TTC39B: variants seen among roughly 807,000 people sequenced by gnomAD.
The protein encoded by TTC39B is tetratricopeptide repeat domain 39B, also known as tetratricopeptide repeat protein 39B.
TTC39B carries 92 observed loss-of-function variants against 96.6 expected under a neutral mutation model. The ratio of observed to expected loss-of-function variants is 0.95; its 90% CI spans 0.80 to 1.13. TTC39B has a LOEUF of 1.13. Ranked by LOEUF, TTC39B falls within the 50% of genes most tolerant of loss-of-function variation. TTC39B has a pLI of 0.00. For synonymous variants in TTC39B, 367 were observed against 299.4 expected, an observed-to-expected ratio of 1.23 and a Z score of -2.33; for missense variants, 955 against 809.3, an observed-to-expected ratio of 1.18 and a Z score of -2.18.
chr9:15,199,493 T>C (rs1819384601), intron 8 of TTC39B, among the ~76,000 whole-genome samples: 1 of 151,896 alleles, frequency 6.6e-6, no homozygotes, highest in Admixed American at 6.6e-5. Flanking sequence ...CCCAGCACTT[T>C]GGGAGGCTGA....
At chr9:15,219,351 A>G (rs1035585914) in intron 3 of TTC39B, among the ~76,000 whole-genome samples, 3 of 152,142 alleles carry the variant, frequency 2.0e-5, no homozygotes, top group African/African-American at 7.2e-5. Context: ...GCTAAGAACC[A>G]CATATGCACA....
intron 2 of TTC39B, among the ~76,000 whole-genome samples, chr9:15,251,731 A>ATATATATATATATATATATGTATG (rs1563764609): frequency 5.5e-5 from 7 of 126,964 alleles, no homozygotes; most frequent in African/African-American, 1.9e-4. Context: ...ATATATATAT[A>ATATATATATATATATATATGTATG]TATATGTAGT....
chr9:15,166,333 A>ATGGGTACATTGTACAT (rs1466596762), exon 20 of TTC39B: 1 of 152,186 alleles, frequency 6.6e-6, no homozygotes, highest in Non-Finnish European at 1.5e-5. Context: ...AACACATATC[A>ATGGGTACATTGTACAT]TGGGTACATT....
At chr9:15,223,573 T>G (rs953153996) in intron 3 of TTC39B, among the ~76,000 whole-genome samples, 6 of 152,160 alleles carry the variant, frequency 3.9e-5, no homozygotes, top group Non-Finnish European at 7.3e-5. Context: ...ACTAACTCCA[T>G]AAGAGCCACA....
intron 3 of TTC39B, among the ~76,000 whole-genome samples, chr9:15,215,268 G>C (rs773047109): frequency 6.6e-6 from 1 of 151,904 alleles, no homozygotes; most frequent in Non-Finnish European, 1.5e-5. Context: ...ATGAGGCTGG[G>C]TGTGGTGGCT....
intron 2 of TTC39B, among the ~76,000 whole-genome samples, chr9:15,235,048 A>AT (rs749210643): frequency 4.0e-5 from 6 of 151,290 alleles, no homozygotes; most frequent in Admixed American, 6.6e-5. Flanking sequence ...TAAATAAAAC[A>AT]AAAACAAAAC....
chr9:15,179,991 T>C (rs1818161214), intron 17 of TTC39B, among the ~76,000 whole-genome samples: 1 of 152,246 alleles, frequency 6.6e-6, no homozygotes, highest in South Asian at 2.1e-4. Context: ...TGCTTTGTCA[T>C]GATTTTCAAC....
At chr9:15,181,575 G>A (rs1382349371) in intron 17 of TTC39B, among the ~76,000 whole-genome samples, 1 of 152,162 alleles carries the variant, frequency 6.6e-6, no homozygotes, top group Non-Finnish European at 1.5e-5. Flanking sequence ...TACCACATCA[G>A]CTGCTTCCGG....
intron 2 of TTC39B, among the ~76,000 whole-genome samples, chr9:15,255,436 G>T (rs2131519476): frequency 6.6e-6 from 1 of 152,180 alleles, no homozygotes; most frequent in South Asian, 2.1e-4. Context: ...AGACCAGAGA[G>T]GCTGATGATT....
At chr9:15,287,302 A>G (rs1824008062) in intron 1 of TTC39B, among the ~76,000 whole-genome samples, 2 of 152,254 alleles carry the variant, frequency 1.3e-5, no homozygotes, top group African/African-American at 4.8e-5. Flanking sequence ...CTATAGTGAC[A>G]TCTGACAAAG....
Position 15,279,445 on chromosome 9 carries a change from T to G in TTC39B, c.241-11497A>C, listed in dbSNP as rs1451073713. ...TGGGGGAGAGAGAAGGTAAAGGGAC[T>G]TGAGCTCACAAGCTTAGAACCACTC... is the stretch of plus-strand genomic sequence containing the variant. On this transcript the variant is annotated intron_variant, in intron 1 of 19. Coordinates refer to ENST00000512701, the Ensembl canonical transcript of TTC39B. Among the ~76,000 whole-genome samples, 3 of 152,326 alleles carry G rather than the reference T, an allele frequency of 2.0e-5. No individual in the cohort carries two copies. The East Asian group carries it at 5.8e-4, about 29-fold the overall frequency.
chr9:15,178,608 C>T (rs1682525860), intron 17 of TTC39B, among the ~76,000 whole-genome samples: 1 of 152,180 alleles, frequency 6.6e-6, no homozygotes, highest in South Asian at 2.1e-4. Context: ...GCTGAATTTA[C>T]TATATCAGAA....
At chr9:15,197,412 A>G (rs1586848673) in intron 8 of TTC39B, among the ~76,000 whole-genome samples, 1 of 152,236 alleles carries the variant, frequency 6.6e-6, no homozygotes, top group East Asian at 1.9e-4. Context: ...AATGAAACAC[A>G]GTTTTGTGAA....
At chr9:15,242,253 G>T (rs1242502436) in intron 2 of TTC39B, among the ~76,000 whole-genome samples, 3 of 152,150 alleles carry the variant, frequency 2.0e-5, no homozygotes. Context: ...TGGCCTATCT[G>T]ATGGTCTAGA....
At chr9:15,187,613 C>A (rs1284389278) in intron 14 of TTC39B, among the ~76,000 whole-genome samples, 2 of 152,180 alleles carry the variant, frequency 1.3e-5, no homozygotes, top group Non-Finnish European at 2.9e-5. Flanking sequence ...ACATGTACCA[C>A]CATGCCTAGC....
At chr9:15,176,835 C>T (rs1159384766) in intron 18 of TTC39B, among the ~76,000 whole-genome samples, 2 of 152,154 alleles carry the variant, frequency 1.3e-5, no homozygotes, top group African/African-American at 4.8e-5. Context: ...ACATATCTGG[C>T]CCCTGTAAAT....
chr9:15,305,054 G>A (rs1563802074), intron 1 of TTC39B, among the ~76,000 whole-genome samples: 1 of 152,006 alleles, frequency 6.6e-6, no homozygotes, highest in Non-Finnish European at 1.5e-5. Context: ...TACGTGAAAA[G>A]CTTCCTAGCT....
At chr9:15,211,328 G>A (rs771982561) in exon 5 of TTC39B, 7 of 1,595,262 alleles carry the variant, frequency 4.4e-6, no homozygotes, top group Middle Eastern at 1.7e-4. Context: ...CCTGTTGCTC[G>A]AAGGTCAGGA....
intron 17 of TTC39B, among the ~76,000 whole-genome samples, chr9:15,180,901 C>T (rs146804473): frequency 1.3e-5 from 2 of 152,274 alleles, no homozygotes; most frequent in African/African-American, 4.8e-5. Context: ...AGAGAGGACA[C>T]ACAAAGCCAA....
Sources: gnomAD v4.1 joint callset for allele counts (sites outside exome capture counted in the v4.1 genomes callset) on GRCh38, gnomAD v4.1.1 for gene constraint, MANE v1.5 for transcripts, NCBI Gene and HGNC (gene_info 2026-07-23, HGNC 2026-07-21) for gene names.